USP15: variants seen among roughly 807,000 people sequenced by gnomAD.
USP15 encodes the protein ubiquitin specific peptidase 15, also known as ubiquitin carboxyl-terminal hydrolase 15.
Under a neutral mutation model 127.1 loss-of-function variants are expected in USP15, and 18 were observed. The ratio of observed to expected loss-of-function variants is 0.14; its 90% CI spans 0.10 to 0.21. The LOEUF (loss-of-function observed/expected upper bound fraction) is 0.21, where lower values mean the gene tolerates loss of function less well. USP15 is among the 10% of genes least tolerant of loss of function. The pLI, the probability that USP15 is intolerant of heterozygous loss-of-function variation, is 1.00. For missense variants in USP15, 805 were observed against 1,159.9 expected (o/e 0.69, Z 4.44); for synonymous variants, 364 against 393.7 (o/e 0.92, Z 0.89).
chr12:62,273,954 T>A (rs1045003114), intron 1 of USP15, among the ~76,000 whole-genome samples: 2 of 152,150 alleles, frequency 1.3e-5, no homozygotes, highest in African/African-American at 4.8e-5. Flanking sequence ...TATCATATCC[T>A]CTGCTATCTC....
chr12:62,284,139 G>T (rs1355621248), intron 1 of USP15, among the ~76,000 whole-genome samples: 1 of 152,126 alleles, frequency 6.6e-6, no homozygotes, highest in African/African-American at 2.4e-5. Context: ...GAGATACGCC[G>T]TGGCTGTGGA....
chr12:62,378,067 TGCG>T (rs199539952), intron 8 of USP15, among the ~76,000 whole-genome samples: 3,339 of 151,910 alleles, frequency 0.022, 122 homozygotes, highest in African/African-American at 0.075. Context: ...ATTAGCCAGG[TGCG>T]GTGGTGGGCG....
At chr12:62,319,286 A>G (rs1427594104) in intron 4 of USP15, among the ~76,000 whole-genome samples, 1 of 152,172 alleles carries the variant, frequency 6.6e-6, no homozygotes, top group African/African-American at 2.4e-5. Context: ...TGCCCCCATG[A>G]TCCAGTCATC....
chr12:62,398,000 G>A (rs951196341), intron 20 of USP15, among the ~76,000 whole-genome samples: 2 of 147,484 alleles, frequency 1.4e-5, no homozygotes, highest in East Asian at 2.0e-4. Context: ...TTATCTATAC[G>A]TTTTTTTTTT....
At chr12:62,333,862 A>G (rs1275297423) in intron 6 of USP15, among the ~76,000 whole-genome samples, 1 of 152,186 alleles carries the variant, frequency 6.6e-6, no homozygotes, top group East Asian at 1.9e-4. Flanking sequence ...ACAACATACC[A>G]AAACCTTAAA....
chr12:62,382,409 A>T (rs1294397929), intron 9 of USP15, among the ~76,000 whole-genome samples: 2 of 151,966 alleles, frequency 1.3e-5, no homozygotes, highest in Non-Finnish European at 2.9e-5. Flanking sequence ...TTGATAGAGG[A>T]CATCTACTGG....
At chr12:62,366,863 C>G (rs1006321810) in intron 8 of USP15, among the ~76,000 whole-genome samples, 1 of 152,156 alleles carries the variant, frequency 6.6e-6, no homozygotes, top group Non-Finnish European at 1.5e-5. Context: ...TATTGATTTG[C>G]ATATGTTGAA....
intron 20 of USP15, among the ~76,000 whole-genome samples, chr12:62,399,184 A>T (rs2067596522): frequency 6.6e-6 from 1 of 152,134 alleles, no homozygotes; most frequent in African/African-American, 2.4e-5. Context: ...AAAAGCATTC[A>T]CCCAGCACCA....
At position 62,410,227 on chromosome 12, in the gene USP15, G is replaced by C. The variant is rs542862245; in HGVS notation, c.*5852G>C. Reference sequence around the variant, plus strand: ...TAACTCATTTCCCCAAAAAGACCGCGACCTCCAGCCAGTCATTCAGTTCTT... The same window carrying C: ...TAACTCATTTCCCCAAAAAGACCGCCACCTCCAGCCAGTCATTCAGTTCTT... On this transcript the variant is annotated 3_prime_UTR_variant, in exon 22 of 22. Transcript: ENST00000280377. 3.6e-4 allele frequency: 54 copies of C among 152,100 alleles called. No individual in the cohort carries two copies. The highest frequency in any genetic ancestry group is 7.2e-4 in the Admixed American group (11 of 15,266). 9.4% of individuals were successfully genotyped at this position (152,100 alleles called of 1,614,324 possible). A position where few individuals can be genotyped will look rare whatever the true frequency, so the allele number is the denominator to read the frequency against.
chr12:62,313,497 AT>A lies in USP15; in HGVS notation c.349-1289del, dbSNP rs1396991284. On this transcript the variant is annotated intron_variant, in intron 3 of 21. Transcript: ENST00000280377. ...ATTAGTAGCTACTTTAATGTAGTTT[AT>A]TTTAGGATTTTACTCAGCTATTGAG... 3.3e-5 allele frequency among the ~76,000 whole-genome samples: 5 copies of A among 151,588 alleles called. No individual in the cohort carries two copies. In the South Asian group the frequency reaches 8.3e-4, roughly 25 times the overall value.
At chr12:62,334,332 T>C (rs979653154) in intron 6 of USP15, 2 of 152,202 alleles carry the variant, frequency 1.3e-5, no homozygotes, top group Non-Finnish European at 2.9e-5. Context: ...CTGAAAAAAT[T>C]ATTGTAATTT....
chr12:62,392,458 G>A, intron 18 of USP15, 71 bp downstream of exon 18: 1 of 1,083,660 alleles, frequency 9.2e-7, no homozygotes, highest in Non-Finnish European at 1.3e-6. Context: ...GCCACATCAA[G>A]TTGAAAAAGT....
chr12:62,298,999 A>T (rs2064219558), intron 2 of USP15, among the ~76,000 whole-genome samples: 1 of 152,092 alleles, frequency 6.6e-6, no homozygotes, highest in Non-Finnish European at 1.5e-5. Context: ...CCCATTAAGA[A>T]TCACACCCTA....
chr12:62,390,631 A>G (rs536591143), intron 14 of USP15, among the ~76,000 whole-genome samples: 154 of 152,280 alleles, frequency 1.0e-3, no homozygotes, highest in Middle Eastern at 6.8e-3. Context: ...ATTTGCAACA[A>G]ACATTTAACA....
intron 9 of USP15, among the ~76,000 whole-genome samples, chr12:62,382,756 G>A (rs552608742): frequency 6.6e-6 from 1 of 151,942 alleles, no homozygotes; most frequent in South Asian, 2.1e-4. Flanking sequence ...TTATCTCTGT[G>A]ATACTCATCC....
At chr12:62,268,247 T>C (rs1274901722) in intron 1 of USP15, among the ~76,000 whole-genome samples, 1 of 152,116 alleles carries the variant, frequency 6.6e-6, no homozygotes, top group African/African-American at 2.4e-5. Context: ...GTCATAACAC[T>C]TAGTCAGTGG....
At chr12:62,365,983 A>C (rs2137499258) in intron 8 of USP15, among the ~76,000 whole-genome samples, 1 of 152,224 alleles carries the variant, frequency 6.6e-6, no homozygotes, top group South Asian at 2.1e-4. Context: ...AAGTCAGGTA[A>C]CATGATGCCT....
intron 1 of USP15, among the ~76,000 whole-genome samples, chr12:62,289,697 T>TGTGTGTGTGTGTGTGTG (rs2063898374): frequency 5.9e-5 from 8 of 135,430 alleles, no homozygotes; most frequent in African/African-American, 2.3e-4. Flanking sequence ...GGTTGTTAAT[T>TGTGTGTGTGTGTGTGTG]TGTGTGTGTG....
rs748012199 is a variant in USP15, at chr12:62,391,311, G to A, written c.2115G>A (p.Thr705=). Residue 705 remains threonine, a synonymous_variant, in exon 16 of 22, where the codon ACG becomes ACA. Transcript: ENST00000280377. ...CTEDTCKGQL[T]GHKKRLFTFQ... ...AGGATACTTGCAAAGGTCAACTCAC[G>A]GGACACAAAAAACGATTGTTTACAT... 31 of 1,613,290 alleles carry A rather than the reference G, an allele frequency of 1.9e-5. 1 individual carries two copies. In the South Asian group the frequency reaches 2.3e-4, roughly 12 times the overall value.
Sources: gnomAD v4.1 joint callset for allele counts (sites outside exome capture counted in the v4.1 genomes callset) on GRCh38, gnomAD v4.1.1 for gene constraint, MANE v1.5 for transcripts, NCBI Gene and HGNC (gene_info 2026-07-23, HGNC 2026-07-21) for gene names.